BZW2: variants seen among roughly 807,000 people sequenced by gnomAD.
BZW2 encodes eIF5-mimic protein 1.
A neutral mutation model predicts 53.2 loss-of-function variants in BZW2; 23 were observed. The ratio of observed to expected loss-of-function variants is 0.43; its 90% CI spans 0.31 to 0.61. BZW2 has a LOEUF of 0.61. Ranked by LOEUF, BZW2 falls within the 20% of genes least tolerant of loss-of-function variation. The pLI is 0.09. For missense variants in BZW2, 409 were observed against 503.1 expected (o/e 0.81, Z 1.79); for synonymous variants, 227 against 186.4 (o/e 1.22, Z -1.77).
intron 3 of BZW2, among the ~76,000 whole-genome samples, chr7:16,680,478 A>G (rs1413849774): frequency 6.6e-6 from 1 of 152,162 alleles, no homozygotes; most frequent in Non-Finnish European, 1.5e-5. Context: ...GGGAGTATGA[A>G]TGAAACAACT....
At chr7:16,690,474 G>A (rs1242910040) in intron 7 of BZW2, among the ~76,000 whole-genome samples, 1 of 151,914 alleles carries the variant, frequency 6.6e-6, no homozygotes, top group East Asian at 1.9e-4. Flanking sequence ...CAAAGTGCTG[G>A]GATTATAGGC....
intron 6 of BZW2, 40 bp from the exon 7 acceptor site, chr7:16,689,757 G>C (rs1401012080): frequency 1.3e-6 from 2 of 1,540,376 alleles, no homozygotes; most frequent in East Asian, 2.3e-5. Context: ...AATTGGTTTT[G>C]CTCGTAAAAG....
In BZW2 at chr7:16,686,912, G is replaced by A. The variant is rs538927824; in HGVS notation, c.541+872G>A. On this transcript the variant is annotated intron_variant, in intron 6 of 11. Transcript: ENST00000258761. ...TTATGACAATTCAGACTCTGTAATT[G>A]TTAGATGTTATTAGTATTATGACAT... 7 of 152,254 alleles carry A rather than the reference G, an allele frequency of 4.6e-5. No homozygotes were observed. The East Asian group carries it at 1.3e-3, about 29-fold the overall frequency. 9.4% of individuals were successfully genotyped at this position (152,254 alleles called of 1,614,324 possible). A position where few individuals can be genotyped will look rare whatever the true frequency, so the allele number is the denominator to read the frequency against.
chr7:16,673,105 C>T lies in BZW2; in HGVS notation c.59-1307C>T, dbSNP rs183492231. 2.1e-3 allele frequency among the ~76,000 whole-genome samples: 316 copies of T among 152,230 alleles called. 1 individual carries two copies. The highest frequency in any genetic ancestry group is 7.1e-3 in the African/African-American group (295 of 41,538). ...GGACTAACAGGGGCCCGCCACCACC[C>T]CTGGCTAATTTTTTGTATTTTTAGT... On this transcript the variant is annotated intron_variant, in intron 2 of 11. Coordinates refer to ENST00000258761, the MANE Select transcript of BZW2 (RefSeq NM_014038.3).
chr7:16,697,973 C>T (rs1320172765), intron 9 of BZW2, 75 bp from the exon 10 acceptor site: 6 of 1,554,460 alleles, frequency 3.9e-6, no homozygotes, highest in Non-Finnish European at 5.3e-6. Context: ...CTCCAGGTTA[C>T]TGTTATAGTT....
chr7:16,660,337 C>CT (rs1562477490), intron 1 of BZW2, among the ~76,000 whole-genome samples: 1 of 149,936 alleles, frequency 6.7e-6, no homozygotes, highest in Non-Finnish European at 1.5e-5. Flanking sequence ...GTGGTCGGGG[C>CT]TGCAGTGAGC....
chr7:16,663,000 T>C (rs1346537713), intron 1 of BZW2, among the ~76,000 whole-genome samples: 1 of 152,180 alleles, frequency 6.6e-6, no homozygotes, highest in Non-Finnish European at 1.5e-5. Flanking sequence ...GACAATAATA[T>C]GTATATCATC....
In BZW2 at chr7:16,681,313, C is replaced by G. The variant is rs371407289; in HGVS notation, c.248C>G (p.Thr83Arg). ...VAGSMLAPGG[T>R]RIDDGDKTKM... ...TTTCTCTTTTTAGCCCCTGGAGGAACGCGCATAGATGATGGTGACAAGACC... is the reference window on the plus strand; with the variant it reads ...TTTCTCTTTTTAGCCCCTGGAGGAAGGCGCATAGATGATGGTGACAAGACC... The change falls in exon 4 of 12, where the codon ACG becomes AGG. Residue 83 changes from threonine to arginine, a missense_variant. This residue lies in a region of BZW2 where 316 missense variants were observed against 366.8 expected (regional missense o/e 0.86). Transcript: ENST00000258761. The G allele has an allele frequency of 1.2e-6, 2 of 1,613,628 alleles. No individual in the cohort carries two copies. The highest frequency in any genetic ancestry group is 8.5e-7 in the Non-Finnish European group (1 of 1,179,706).
intron 1 of BZW2, among the ~76,000 whole-genome samples, chr7:16,653,392 C>A (rs1045587089): frequency 6.6e-6 from 1 of 152,170 alleles, no homozygotes; most frequent in African/African-American, 2.4e-5. Flanking sequence ...CTTCTGACTT[C>A]CCACTGGAGT....
intron 1 of BZW2, among the ~76,000 whole-genome samples, chr7:16,657,735 C>G (rs150946422): frequency 6.6e-6 from 1 of 151,864 alleles, no homozygotes; most frequent in African/African-American, 2.4e-5. Flanking sequence ...GTAAGTAGTT[C>G]AATAAAATAT....
intron 7 of BZW2, among the ~76,000 whole-genome samples, chr7:16,692,320 G>T (rs1268008999): frequency 1.3e-5 from 2 of 152,072 alleles, no homozygotes; most frequent in Non-Finnish European, 2.9e-5. Flanking sequence ...AGTATGTATC[G>T]ATTATATTAT....
At chr7:16,684,763 CT>C (rs1322194516) in intron 5 of BZW2, among the ~76,000 whole-genome samples, 4 of 152,126 alleles carry the variant, frequency 2.6e-5, no homozygotes, top group African/African-American at 9.7e-5. Flanking sequence ...ATGTTAACTT[CT>C]TTTTAATTTG....
At chr7:16,666,565 G>A (rs1375512490) in intron 2 of BZW2, among the ~76,000 whole-genome samples, 5 of 152,110 alleles carry the variant, frequency 3.3e-5, no homozygotes, top group Admixed American at 1.3e-4. Flanking sequence ...ATCATACCCA[G>A]CTAATTTTTG....
rs1239326819 is a variant in BZW2 at position 16,697,203 on chromosome 7, C to T, written c.969+142C>T. 1.6e-5 allele frequency: 15 copies of T among 937,926 alleles called. No homozygotes were observed. The South Asian group carries it at 2.2e-4, about 14-fold the overall frequency. 58.1% of individuals were successfully genotyped at this position (937,926 alleles called of 1,614,324 possible). On this transcript the variant is annotated intron_variant, in intron 9 of 11. Transcript: ENST00000258761. ...CTCCTGGGCTCAAGCCACCCTCCCT[C>T]CTCAGCCTCCCAGGTAGCTAGGACT... is the stretch of plus-strand genomic sequence containing the variant.
intron 1 of BZW2, among the ~76,000 whole-genome samples, chr7:16,653,874 G>T (rs1782049246): frequency 6.6e-6 from 1 of 151,920 alleles, no homozygotes; most frequent in African/African-American, 2.4e-5. Flanking sequence ...CTGTGTTGGG[G>T]TTTTTTGTTT....
At chr7:16,699,252 A>G (rs1398027154) in intron 10 of BZW2, among the ~76,000 whole-genome samples, 1 of 152,186 alleles carries the variant, frequency 6.6e-6, no homozygotes, top group Non-Finnish European at 1.5e-5. Context: ...ATTTTCTCCA[A>G]CCAGACCTGA....
In BZW2 at chr7:16,685,894, TTGA is replaced by T; in HGVS notation, c.406-10_406-8del. 2 of 1,438,584 alleles carry T rather than the reference TTGA, an allele frequency of 1.4e-6. No individual in the cohort carries two copies. Among genetic ancestry groups the T allele is most frequent in the Non-Finnish European group, 1.8e-6 (2 of 1,095,346 alleles). 89.1% of individuals were successfully genotyped at this position (1,438,584 alleles called of 1,614,324 possible). On this transcript the variant is annotated splice_region_variant and splice_polypyrimidine_tract_variant and intron_variant, in intron 5 of 11. Coordinates refer to ENST00000258761, the MANE Select transcript of BZW2 (RefSeq NM_014038.3). ...TCTTTTTCTTTTTTTTTTTTTTTTT[TTGA>T]CCCACAGCTTCTCCTCTTCCTTAAA... is the stretch of plus-strand genomic sequence containing the variant.
intron 3 of BZW2, among the ~76,000 whole-genome samples, chr7:16,680,411 T>C (rs1433204509): frequency 6.6e-6 from 1 of 152,212 alleles, no homozygotes; most frequent in South Asian, 2.1e-4. Flanking sequence ...ACCAGACTTA[T>C]AGTGACAGGA....
At chr7:16,695,045 T>G (rs749591624) in intron 8 of BZW2, 41 bp downstream of exon 8, 3 of 1,475,160 alleles carry the variant, frequency 2.0e-6, no homozygotes, top group Non-Finnish European at 2.7e-6. Flanking sequence ...TACACATGAA[T>G]GAGAGGAATT....
Sources: gnomAD v4.1 joint callset for allele counts (sites outside exome capture counted in the v4.1 genomes callset) on GRCh38, gnomAD v4.1.1 for gene constraint, gnomAD v4.1.1 regional missense constraint, MANE v1.5 for transcripts, NCBI Gene and HGNC (gene_info 2026-07-23, HGNC 2026-07-21) for gene names.